The following GRAP2 variants were observed in gnomAD, a reference collection of about 807,000 sequenced individuals.
GRAP2 encodes GRB2 related adaptor protein 2, also known as GRB2-related adapter protein 2.
A neutral mutation model predicts 43.5 loss-of-function variants in GRAP2; 31 were observed. The observed-to-expected ratio is 0.71, with a 90% CI of 0.54 to 0.96. GRAP2 has a LOEUF of 0.96. Among genes scored for constraint, GRAP2 ranks in the 40% least tolerant of loss-of-function variants. The pLI is 0.00. For missense variants in GRAP2, 371 were observed against 424.4 expected, an observed-to-expected ratio of 0.87 and a Z score of 1.11; for synonymous variants, 156 against 164.8, an observed-to-expected ratio of 0.95 and a Z score of 0.41.
intron 1 of GRAP2, among the ~76,000 whole-genome samples, chr22:39,920,609 C>T (rs889807882): frequency 2.6e-5 from 4 of 152,088 alleles, no homozygotes; most frequent in African/African-American, 7.2e-5. Context: ...ACATGCTGCC[C>T]CCATTCTGTG....
At chr22:39,907,520 T>G (rs1224406678) in intron 1 of GRAP2, among the ~76,000 whole-genome samples, 1 of 152,174 alleles carries the variant, frequency 6.6e-6, no homozygotes, top group East Asian at 1.9e-4. Context: ...GAGGATTGCT[T>G]GAGCGCAGGA....
chr22:39,905,695 C>T (rs887228211), intron 1 of GRAP2, among the ~76,000 whole-genome samples: 2 of 152,262 alleles, frequency 1.3e-5, no homozygotes, highest in Admixed American at 1.3e-4. Flanking sequence ...GCTAATAATA[C>T]CCTTTTTTCA....
Position 39,947,156 on chromosome 22 carries a change from T to G in GRAP2, c.50T>G (p.Leu17Arg). 5 of 1,602,328 alleles carry G rather than the reference T, an allele frequency of 3.1e-6. No individual in the cohort carries two copies. Among genetic ancestry groups the G allele is most frequent in the Non-Finnish European group, 3.4e-6 (4 of 1,169,228 alleles). Residue 17 changes from leucine (L) to arginine (R), a missense_variant, in exon 2 of 8, where the codon CTG (leucine) becomes CGG (arginine). Physicochemically the swap from Leu to Arg is moderately radical, Grantham distance 102 (BLOSUM62 -2). Coordinates refer to ENST00000344138, the MANE Select transcript of GRAP2 (RefSeq NM_004810.4). ...FDFTASGEDE[L>R]SFHTGDVLKI... is the part of the protein sequence containing the mutation. ...TTCACTGCTTCAGGTGAGGATGAAC[T>G]GAGCTTTCACACTGGAGATGTTTTG...
chr22:39,898,234 TCAGCCACACTC>T, upstream of GRAP2, among the ~76,000 whole-genome samples: 1 of 152,294 alleles, frequency 6.6e-6, no homozygotes, highest in South Asian at 2.1e-4. Flanking sequence ...AACCCCCATC[TCAGCCACACTC>T]CCTGTGGCTC....
chr22:39,931,800 TATAAG>T (rs1428805562), intron 1 of GRAP2, among the ~76,000 whole-genome samples: 1 of 152,226 alleles, frequency 6.6e-6, no homozygotes, highest in African/African-American at 2.4e-5. Context: ...AAAATTCCCT[TATAAG>T]AACAGAAATT....
chr22:39,897,023 CTCTA>C (rs1279510073), upstream of GRAP2, among the ~76,000 whole-genome samples: 1 of 152,214 alleles, frequency 6.6e-6, no homozygotes, highest in Non-Finnish European at 1.5e-5. Flanking sequence ...CTCTTGTCTT[CTCTA>C]TCTATATTCA....
chr22:39,957,697 G>A (rs1569212907), intron 3 of GRAP2, among the ~76,000 whole-genome samples: 1 of 152,210 alleles, frequency 6.6e-6, no homozygotes, highest in Admixed American at 6.5e-5. Context: ...TCCTTTGAGA[G>A]GCTGAGGGAG....
rs564020472 is a variant in GRAP2, at chr22:39,908,818, C to T, written c.-15+7488C>T. On this transcript the variant is annotated intron_variant, in intron 1 of 7. Transcript: ENST00000344138. ...ATTTTCTAAGTGAACTTCAGGCTGG[C>T]AAGTGGAGTTAGATCAACTTGTTGC... is the stretch of plus-strand genomic sequence containing the variant. Among the ~76,000 whole-genome samples the T allele has an allele frequency of 4.0e-4, 61 of 152,308 alleles. 1 individual carries two copies. In the Middle Eastern group the frequency reaches 0.01, roughly 25 times the overall value.
At chr22:39,960,250 C>G (rs1477763657) in intron 4 of GRAP2, 76 bp downstream of exon 4, 45 of 1,404,932 alleles carry the variant, frequency 3.2e-5, no homozygotes, top group Non-Finnish European at 4.5e-5. Flanking sequence ...CATGAAGGGA[C>G]CTCTGGAATA....
At chr22:39,930,855 A>G (rs1334757173) in intron 1 of GRAP2, among the ~76,000 whole-genome samples, 1 of 152,158 alleles carries the variant, frequency 6.6e-6, no homozygotes, top group East Asian at 1.9e-4. Context: ...TGTGTCATAT[A>G]TGAGCTCTCT....
At chr22:39,924,735 A>G (rs1226642471) in intron 1 of GRAP2, among the ~76,000 whole-genome samples, 5 of 152,172 alleles carry the variant, frequency 3.3e-5, no homozygotes, top group African/African-American at 9.7e-5. Flanking sequence ...TAGGATACCC[A>G]TTCATCAGCA....
chr22:39,950,514 C>T (rs202148729), intron 2 of GRAP2, among the ~76,000 whole-genome samples: 12 of 152,196 alleles, frequency 7.9e-5, no homozygotes, highest in East Asian at 3.8e-4. Flanking sequence ...TGACACTTGA[C>T]GAATGAATGA....
At chr22:39,899,711 G>A (rs889913413), upstream of GRAP2, among the ~76,000 whole-genome samples, 6 of 152,116 alleles carry the variant, frequency 3.9e-5, no homozygotes, top group South Asian at 4.1e-4. Flanking sequence ...GGCCGGGTGC[G>A]GTGGCTCATG....
chr22:39,939,605 T>A (rs2066845554), intron 1 of GRAP2, among the ~76,000 whole-genome samples: 1 of 147,104 alleles, frequency 6.8e-6, no homozygotes, highest in African/African-American at 2.5e-5. Context: ...CATCTCTGAC[T>A]TGGGAGGTCC....
chr22:39,964,963 C>T (rs1224289280), intron 4 of GRAP2, among the ~76,000 whole-genome samples: 1 of 152,246 alleles, frequency 6.6e-6, no homozygotes, highest in South Asian at 2.1e-4. Flanking sequence ...GAGTCAGAGA[C>T]TCAGGGTTCT....
intron 5 of GRAP2, among the ~76,000 whole-genome samples, chr22:39,967,744 T>C (rs1322834860): frequency 2.0e-5 from 3 of 152,172 alleles, no homozygotes; most frequent in African/African-American, 7.2e-5. Context: ...ATATTTCAGC[T>C]TGATTACACA....
chr22:39,901,415 T>G (rs528454175), intron 1 of GRAP2, 85 bp downstream of exon 1: 1 of 470,604 alleles, frequency 2.1e-6, no homozygotes, highest in East Asian at 7.0e-5. Flanking sequence ...ATGAGTTAAT[T>G]AAAATGAATC....
At chr22:39,914,426 A>C (rs963914546) in intron 1 of GRAP2, among the ~76,000 whole-genome samples, 1 of 152,170 alleles carries the variant, frequency 6.6e-6, no homozygotes, top group Non-Finnish European at 1.5e-5. Context: ...GCTCTAAATA[A>C]AACTAGGATA....
intron 1 of GRAP2, among the ~76,000 whole-genome samples, chr22:39,940,804 C>G (rs1037251140): frequency 2.6e-5 from 4 of 152,148 alleles, no homozygotes; most frequent in African/African-American, 9.7e-5. Flanking sequence ...CTAAGCAATT[C>G]TGTATTTTAA....
Sources: allele counts gnomAD v4.1 joint callset (sites outside exome capture counted in the v4.1 genomes callset), GRCh38; gene constraint gnomAD v4.1.1; transcripts MANE v1.5; gene names NCBI Gene and HGNC (gene_info 2026-07-23, HGNC 2026-07-21).